ARHGAP32: variants seen among roughly 807,000 people sequenced by gnomAD.
ARHGAP32 encodes rho GTPase-activating protein 32.
Under a neutral mutation model 186.5 loss-of-function variants are expected in ARHGAP32, and 51 were observed. The observed-to-expected ratio is 0.27, with a 90% CI of 0.22 to 0.35. The LOEUF (loss-of-function observed/expected upper bound fraction) is 0.35, where lower values mean the gene tolerates loss of function less well. Ranked by LOEUF, ARHGAP32 falls within the 10% of genes least tolerant of loss-of-function variation. The pLI, the probability that ARHGAP32 is intolerant of heterozygous loss-of-function variation, is 1.00. For synonymous variants in ARHGAP32, 950 were observed against 964.3 expected, an observed-to-expected ratio of 0.99 and a Z score of 0.27; for missense variants, 2,186 against 2,623.5, an observed-to-expected ratio of 0.83 and a Z score of 3.64.
At chr11:129,210,941 T>C (rs1349150449) in intron 1 of ARHGAP32, among the ~76,000 whole-genome samples, 5 of 152,200 alleles carry the variant, frequency 3.3e-5, no homozygotes, top group Non-Finnish European at 7.3e-5. Flanking sequence ...ACTGCTGCAC[T>C]GTTCATGGCG....
At chr11:129,190,805 T>C (rs1944255129) in intron 1 of ARHGAP32, among the ~76,000 whole-genome samples, 1 of 152,214 alleles carries the variant, frequency 6.6e-6, no homozygotes, top group African/African-American at 2.4e-5. Context: ...ACACAAACCA[T>C]ATTAAAAAGC....
chr11:129,029,796 C>T (rs369586335), intron 11 of ARHGAP32, among the ~76,000 whole-genome samples: 1,134 of 61,826 alleles, frequency 0.018, 23 homozygotes, highest in African/African-American at 0.077. Context: ...AGGGAGACTC[C>T]GTCTCAAAAA....
chr11:129,032,122 T>C (rs1456358821), intron 11 of ARHGAP32, among the ~76,000 whole-genome samples: 1 of 152,188 alleles, frequency 6.6e-6, no homozygotes, highest in African/African-American at 2.4e-5. Flanking sequence ...AGGACTTGGA[T>C]ACAAGTGCAA....
At chr11:129,206,414 G>T (rs1441791916) in intron 1 of ARHGAP32, among the ~76,000 whole-genome samples, 1 of 152,092 alleles carries the variant, frequency 6.6e-6, no homozygotes, top group Non-Finnish European at 1.5e-5. Context: ...GTCTTGCTAT[G>T]TTGTCCCGGC....
chr11:129,099,663 A>G (rs1052964198), intron 5 of ARHGAP32, among the ~76,000 whole-genome samples: 9 of 152,288 alleles, frequency 5.9e-5, no homozygotes, highest in South Asian at 2.1e-4. Context: ...AATAAATAAA[A>G]CAGACACTAA....
intron 9 of ARHGAP32, among the ~76,000 whole-genome samples, chr11:129,063,127 A>G (rs1940568203): frequency 6.9e-6 from 1 of 145,010 alleles, no homozygotes; most frequent in African/African-American, 2.5e-5. Context: ...CATATACTAT[A>G]GAGCTTTAGG....
chr11:128,975,028 A>G (rs749238832), intron 20 of ARHGAP32, 26 bp from the exon 21 acceptor site: 1 of 1,573,354 alleles, frequency 6.4e-7, no homozygotes, highest in Admixed American at 1.8e-5. Context: ...AACAGTGTCA[A>G]AGTAAGAACA....
intron 1 of ARHGAP32, among the ~76,000 whole-genome samples, chr11:129,278,763 G>T (rs899777079): frequency 6.6e-6 from 1 of 151,734 alleles, no homozygotes; most frequent in African/African-American, 2.4e-5. Flanking sequence ...AAACGCTCCC[G>T]CGGCTCCTCC....
intron 11 of ARHGAP32, among the ~76,000 whole-genome samples, chr11:129,034,712 G>A (rs1324413725): frequency 3.1e-5 from 4 of 130,324 alleles, no homozygotes; most frequent in African/African-American, 1.2e-4. Flanking sequence ...ACAACAGAAA[G>A]TATCCAAACT....
chr11:129,246,652 T>C (rs557988724), intron 1 of ARHGAP32, among the ~76,000 whole-genome samples: 1 of 152,202 alleles, frequency 6.6e-6, no homozygotes, highest in Admixed American at 6.5e-5. Flanking sequence ...TGCTCTCCCA[T>C]AGCAGTAGAC....
At chr11:129,176,067 C>T (rs1943906710) in intron 1 of ARHGAP32, among the ~76,000 whole-genome samples, 1 of 71,632 alleles carries the variant, frequency 1.4e-5, no homozygotes, top group African/African-American at 7.7e-5. Flanking sequence ...CAGAGACACA[C>T]ATCAAAATAA....
intron 11 of ARHGAP32, among the ~76,000 whole-genome samples, chr11:129,017,186 T>C (rs1938385957): frequency 6.6e-6 from 1 of 152,168 alleles, no homozygotes; most frequent in Non-Finnish European, 1.5e-5. Flanking sequence ...CCAGGCATGG[T>C]GGCTCATGCC....
chr11:128,976,506 C>T, intron 20 of ARHGAP32, 57 bp downstream of exon 20: 2 of 1,348,008 alleles, frequency 1.5e-6, no homozygotes, highest in Admixed American at 1.7e-5. Context: ...TACTCAATTG[C>T]AGTATTCCTT....
At position 128,981,437 on chromosome 11, in the gene ARHGAP32, T is replaced by C. The variant is rs960885293; in HGVS notation, c.1759A>G (p.Met587Val). Residue 587 changes from methionine (M) to valine (V), a missense_variant, in exon 17 of 23, where the codon ATG becomes GTG. Transcript: ENST00000682385. ...GTACCTGCCCCCTCTTGCATGGCCA[T>C]GCTGATTCTGCCGCTGAACAGCACA... ...VDVLFSGRIS[M>V]AMQEGAASLS... is the part of the protein sequence containing the mutation. 2.5e-6 allele frequency: 4 copies of C among 1,610,308 alleles called. No individual in the cohort carries two copies. The African/African-American group carries it at 5.3e-5, about 22-fold the overall frequency.
intron 1 of ARHGAP32, among the ~76,000 whole-genome samples, chr11:129,247,740 T>C (rs1945120619): frequency 6.6e-6 from 1 of 152,162 alleles, no homozygotes; most frequent in African/African-American, 2.4e-5. Flanking sequence ...AAAAAACTCT[T>C]GTAATAGCAA....
At chr11:129,210,700 T>C (rs1944568723) in intron 1 of ARHGAP32, among the ~76,000 whole-genome samples, 1 of 152,170 alleles carries the variant, frequency 6.6e-6, no homozygotes, top group South Asian at 2.1e-4. Flanking sequence ...ACTTCAGAGA[T>C]TATGCAATTA....
chr11:129,172,555 C>G (rs149219017), intron 1 of ARHGAP32, among the ~76,000 whole-genome samples: 123 of 152,292 alleles, frequency 8.1e-4, no homozygotes, highest in African/African-American at 2.8e-3. Context: ...TAAAACACTC[C>G]TCAACAAATG....
At chr11:129,275,664 C>T (rs181331604) in intron 1 of ARHGAP32, among the ~76,000 whole-genome samples, 1 of 152,306 alleles carries the variant, frequency 6.6e-6, no homozygotes, top group African/African-American at 2.4e-5. Flanking sequence ...GAAAGTACTC[C>T]ACTCTGCTGC....
rs551669523 is a variant in ARHGAP32, at chr11:129,119,550, T to C, written c.444+3896A>G. 3.9e-4 allele frequency among the ~76,000 whole-genome samples: 59 copies of C among 152,228 alleles called. 1 individual carries two copies. Among genetic ancestry groups the C allele is most frequent in the African/African-American group, 1.4e-3 (59 of 41,552 alleles). The stretch of plus-strand genomic sequence containing the variant: ...ATCTATTATTCATTAAACAAATATT[T>C]ATTGAGTAGTTTTTATGTGTCAATC... On this transcript the variant is annotated intron_variant, in intron 5 of 22. Coordinates refer to ENST00000682385, the MANE Select transcript of ARHGAP32 (RefSeq NM_001378024.1).
Sources: gnomAD v4.1 joint callset for allele counts (sites outside exome capture counted in the v4.1 genomes callset) on GRCh38, gnomAD v4.1.1 for gene constraint, MANE v1.5 for transcripts, NCBI Gene and HGNC (gene_info 2026-07-23, HGNC 2026-07-21) for gene names.